Variants in CHN2 observed in about 807,000 individuals in gnomAD.
CHN2 encodes the protein beta-chimaerin.
A neutral mutation model predicts 56.3 loss-of-function variants in CHN2; 35 were observed. That is an observed-to-expected ratio of 0.62 (90% confidence interval 0.47 to 0.82). The LOEUF (loss-of-function observed/expected upper bound fraction) is 0.82. CHN2 is among the 40% of genes least tolerant of loss of function. CHN2 has a pLI of 0.00. For missense variants in CHN2, 491 were observed against 580.5 expected (o/e 0.85, Z 1.58); for synonymous variants, 210 against 212.8 (o/e 0.99, Z 0.12).
In CHN2 at chr7:29,400,720, T is replaced by C. The variant is rs1327005481; in HGVS notation, c.468T>C (p.Ile156=). 1.2e-6 allele frequency: 2 copies of C among 1,614,100 alleles called. No individual in the cohort carries two copies. The highest frequency in any genetic ancestry group is 4.5e-5 in the East Asian group (2 of 44,876). Residue 156 remains isoleucine, a synonymous_variant, in exon 6 of 13, where the codon ATT becomes ATC. Transcript: ENST00000222792. ...KMTTNPIYEH[I]GYATLLREKV... is the part of the protein sequence containing the mutation. ...CAACTAACCCCATCTATGAACACAT[T>C]GGATATGCCACCCTACTCAGAGAAA...
At chr7:29,197,907 A>C (rs1783870757) in intron 1 of CHN2, 1 of 456,154 alleles carries the variant, frequency 2.2e-6, no homozygotes. Context: ...AAAGCTGAGT[A>C]GAATTTTTCC....
intron 6 of CHN2, among the ~76,000 whole-genome samples, chr7:29,453,688 A>G (rs1784555528): frequency 6.6e-6 from 1 of 152,176 alleles, no homozygotes; most frequent in South Asian, 2.1e-4. Flanking sequence ...AAACCTAACT[A>G]GGTCATTCCA....
At chr7:29,187,621 G>C (rs1324323690) in intron 2 of CHN2, among the ~76,000 whole-genome samples, 1 of 152,028 alleles carries the variant, frequency 6.6e-6, no homozygotes, top group Admixed American at 6.5e-5. Flanking sequence ...CCAGCTACTC[G>C]GGAGGCTGAG....
chr7:29,174,593 G>C (rs1452778174), intron 2 of CHN2, among the ~76,000 whole-genome samples: 1 of 152,208 alleles, frequency 6.6e-6, no homozygotes, highest in Non-Finnish European at 1.5e-5. Context: ...CAGGTGCAGT[G>C]ACTCACGCCT....
intron 2 of CHN2, among the ~76,000 whole-genome samples, chr7:29,361,640 T>C (rs558719077): frequency 1.5e-4 from 23 of 152,302 alleles, no homozygotes; most frequent in Admixed American, 1.2e-3. Context: ...GGTTGTGAGA[T>C]TGGTGAATTA....
intron 1 of CHN2, among the ~76,000 whole-genome samples, chr7:29,263,485 G>A (rs1037896382): frequency 1.1e-4 from 16 of 151,962 alleles, no homozygotes; most frequent in African/African-American, 2.9e-4. Context: ...CTGCCTGGCC[G>A]CCCATCGTCT....
intron 2 of CHN2, among the ~76,000 whole-genome samples, chr7:29,149,189 C>CT (rs60520174): frequency 0.21 from 21,266 of 100,264 alleles, 3,022 homozygotes; most frequent in East Asian, 0.3. Context: ...GTCTGTTTCC[C>CT]TTTTTTTTTT....
intron 1 of CHN2, among the ~76,000 whole-genome samples, chr7:29,228,465 G>A (rs1786402760): frequency 6.6e-6 from 1 of 152,192 alleles, no homozygotes; most frequent in Non-Finnish European, 1.5e-5. Context: ...CACACGCTAT[G>A]ATGTTCGCAC....
chr7:29,306,606 AT>A (rs1359973484), intron 1 of CHN2, among the ~76,000 whole-genome samples: 1 of 152,188 alleles, frequency 6.6e-6, no homozygotes, highest in Admixed American at 6.5e-5. Flanking sequence ...ATGAACTGTT[AT>A]ATCCTTGCCC....
At chr7:29,308,806 A>T (rs1480001440) in intron 1 of CHN2, among the ~76,000 whole-genome samples, 2 of 152,228 alleles carry the variant, frequency 1.3e-5, no homozygotes, top group African/African-American at 2.4e-5. Flanking sequence ...TGCTAAGCAG[A>T]TCTGTCTCAT....
Position 29,162,387 on chromosome 7 carries a change from C to T in CHN2, c.274+15427C>T, listed in dbSNP as rs184990609. The stretch of plus-strand genomic sequence containing the variant: ...TCTTAAGAACATTATGATGGCCAGG[C>T]GTGGTGGCTCACACCTGTAATCCCA... On this transcript the variant is annotated intron_variant, in intron 2 of 6. Transcript: ENST00000439384. 2.4e-4 allele frequency among the ~76,000 whole-genome samples: 37 copies of T among 152,252 alleles called. No homozygotes were observed. In the East Asian group the frequency reaches 5.4e-3, roughly 22 times the overall value.
At chr7:29,275,426 A>C (rs1791110823) in intron 1 of CHN2, among the ~76,000 whole-genome samples, 1 of 152,188 alleles carries the variant, frequency 6.6e-6, no homozygotes, top group Non-Finnish European at 1.5e-5. Context: ...AGAACACTTT[A>C]ACTTTGTACC....
At chr7:29,274,173 A>G (rs1350306573) in intron 1 of CHN2, among the ~76,000 whole-genome samples, 1 of 152,210 alleles carries the variant, frequency 6.6e-6, no homozygotes, top group Non-Finnish European at 1.5e-5. Context: ...CTAGAATAAG[A>G]TTGATGTTGA....
At chr7:29,227,019 C>T (rs1355476457) in intron 1 of CHN2, among the ~76,000 whole-genome samples, 1 of 152,204 alleles carries the variant, frequency 6.6e-6, no homozygotes, top group African/African-American at 2.4e-5. Flanking sequence ...GGTCCCTGAC[C>T]TCAAGACATT....
intron 1 of CHN2, among the ~76,000 whole-genome samples, chr7:29,253,071 C>A (rs934115570): frequency 6.6e-6 from 1 of 152,116 alleles, no homozygotes; most frequent in Admixed American, 6.5e-5. Context: ...GACAGTGTAT[C>A]AGTTAGAGAC....
At chr7:29,160,413 CT>C (rs1187037717) in intron 2 of CHN2, among the ~76,000 whole-genome samples, 2 of 152,134 alleles carry the variant, frequency 1.3e-5, no homozygotes, top group African/African-American at 4.8e-5. Context: ...TTGGTATCTC[CT>C]TTTAGTTTGG....
At chr7:29,309,963 TC>T (rs1794462313) in intron 1 of CHN2, among the ~76,000 whole-genome samples, 1 of 152,182 alleles carries the variant, frequency 6.6e-6, no homozygotes, top group East Asian at 1.9e-4. Flanking sequence ...CAGGCAGGAC[TC>T]CCTGCCTCAA....
intron 2 of CHN2, among the ~76,000 whole-genome samples, chr7:29,359,528 C>G (rs549011946): frequency 3.7e-4 from 56 of 152,170 alleles, no homozygotes; most frequent in African/African-American, 1.3e-3. Flanking sequence ...AGTCCCTGCC[C>G]TCTCTGTTCC....
intron 6 of CHN2, chr7:29,445,303 C>T (rs1783954643): frequency 3.3e-6 from 1 of 300,878 alleles, no homozygotes; most frequent in Non-Finnish European, 6.6e-6. Flanking sequence ...TCATCCCAAA[C>T]TCATGTCTCC....
Sources: allele counts gnomAD v4.1 joint callset (sites outside exome capture counted in the v4.1 genomes callset), GRCh38; gene constraint gnomAD v4.1.1; transcripts MANE v1.5; gene names NCBI Gene and HGNC (gene_info 2026-07-23, HGNC 2026-07-21).